Variants in NDRG1 observed in about 807,000 individuals in gnomAD.
NDRG1 encodes protein NDRG1.
A neutral mutation model predicts 56.9 loss-of-function variants in NDRG1; 32 were observed. The observed-to-expected ratio is 0.56, with a 90% CI of 0.42 to 0.76. The LOEUF (loss-of-function observed/expected upper bound fraction) is 0.76, where lower values mean the gene tolerates loss of function less well. Among genes scored for constraint, NDRG1 ranks in the 30% least tolerant of loss-of-function variants. The probability of loss-of-function intolerance (pLI) is 0.00; values close to 1 mark genes in which losing one functional copy is unlikely to be tolerated. For synonymous variants in NDRG1, 211 were observed against 204.1 expected, an observed-to-expected ratio of 1.03 and a Z score of -0.29; for missense variants, 507 against 545.7, an observed-to-expected ratio of 0.93 and a Z score of 0.71.
At chr8:133,290,628 C>T (rs1858377340) in intron 1 of NDRG1, among the ~76,000 whole-genome samples, 3 of 152,198 alleles carry the variant, frequency 2.0e-5, no homozygotes. Flanking sequence ...GTGGGCTGCA[C>T]GTGACCATGA....
chr8:133,268,013 A>G (rs1033684763), intron 3 of NDRG1, among the ~76,000 whole-genome samples: 9 of 152,122 alleles, frequency 5.9e-5, no homozygotes, highest in Admixed American at 2.0e-4. Flanking sequence ...TTTTTGACTC[A>G]TCTCTTTGAA....
At chr8:133,284,726 A>C (rs1159879538) in intron 1 of NDRG1, 2 of 461,026 alleles carry the variant, frequency 4.3e-6, no homozygotes, top group Admixed American at 4.7e-5. Context: ...TGTGACAATG[A>C]AAGGGGAACA....
chr8:133,270,675 G>T (rs1189516363), intron 3 of NDRG1, among the ~76,000 whole-genome samples: 7 of 152,206 alleles, frequency 4.6e-5, no homozygotes, highest in African/African-American at 1.7e-4. Flanking sequence ...CGCATGCTCA[G>T]GTGACAGTAG....
intron 9 of NDRG1, among the ~76,000 whole-genome samples, chr8:133,251,632 A>G (rs1482124768): frequency 6.6e-6 from 1 of 152,114 alleles, no homozygotes; most frequent in Admixed American, 6.6e-5. Context: ...CAGATTACAC[A>G]CTCAGGACAG....
chr8:133,258,307 T>G, intron 7 of NDRG1, 59 bp downstream of exon 7: 1 of 1,531,318 alleles, frequency 6.5e-7, no homozygotes, highest in Non-Finnish European at 8.9e-7. Context: ...TTCCAATGTC[T>G]TCCTTCATCT....
intron 3 of NDRG1, among the ~76,000 whole-genome samples, chr8:133,276,831 T>C (rs186430111): frequency 6.6e-6 from 1 of 152,378 alleles, no homozygotes; most frequent in Admixed American, 6.5e-5. Flanking sequence ...GCAATTCCAC[T>C]TCTGGGTATA....
chr8:133,259,251 C>T (rs1335772160), intron 5 of NDRG1, 21 bp from the exon 6 acceptor site: 3 of 1,613,206 alleles, frequency 1.9e-6, no homozygotes, highest in Non-Finnish European at 2.5e-6. Context: ...CACAGAGAAG[C>T]CATTAGTGAG....
intron 13 of NDRG1, chr8:133,244,791 T>C: frequency 3.1e-6 from 1 of 321,740 alleles, no homozygotes. Context: ...CCTCTTCATA[T>C]ATTCCCTTGA....
chr8:133,277,693 T>TTA (rs1857531954), intron 3 of NDRG1, among the ~76,000 whole-genome samples: 1 of 152,354 alleles, frequency 6.6e-6, no homozygotes, highest in East Asian at 1.9e-4. Context: ...AAATTGGATG[T>TTA]TACGTGTATG....
intron 3 of NDRG1, among the ~76,000 whole-genome samples, chr8:133,265,520 C>G (rs1289284138): frequency 6.6e-6 from 1 of 152,132 alleles, no homozygotes; most frequent in Non-Finnish European, 1.5e-5. Context: ...TGAATGATAC[C>G]ATGCCCATCC....
At chr8:133,280,097 A>T in intron 3 of NDRG1, 135 bp downstream of exon 3, 1 of 1,008,572 alleles carries the variant, frequency 9.9e-7, no homozygotes, top group Non-Finnish European at 1.5e-6. Flanking sequence ...GAGGGTGAGG[A>T]CCTAGCTGAG....
intron 2 of NDRG1, 22 bp from the exon 3 acceptor site, chr8:133,280,289 T>G: frequency 1.2e-6 from 2 of 1,613,452 alleles, no homozygotes; most frequent in Non-Finnish European, 1.7e-6. Context: ...CAAAAAAAAT[T>G]GTCAATTTCA....
rs541812355 is a variant in NDRG1 at position 133,238,980 on chromosome 8, G to A, written c.1083C>T (p.Arg361=). ...CCCCCTCGCTGGTGTGCGAGCGGCT[G>A]CGGGTGCCCTCGCTGGTGTGGGAGC... ...RSRSHTSEGT[R]SRSHTSEGAH... Residue 361 remains arginine (R), a synonymous_variant, in exon 16 of 16, where the codon CGC becomes CGT. Transcript: ENST00000323851. The A allele has an allele frequency of 6.3e-7, 1 of 1,592,674 alleles. No individual in the cohort carries two copies. The highest frequency in any genetic ancestry group is 8.5e-7 in the Non-Finnish European group (1 of 1,171,376).
chr8:133,254,156 C>T (rs1856237461), intron 9 of NDRG1, among the ~76,000 whole-genome samples: 1 of 151,712 alleles, frequency 6.6e-6, no homozygotes, highest in African/African-American at 2.4e-5. Flanking sequence ...TCTATAGAGG[C>T]CAATGCTGAT....
intron 9 of NDRG1, among the ~76,000 whole-genome samples, chr8:133,252,706 C>T (rs1317212837): frequency 6.6e-6 from 1 of 151,070 alleles, no homozygotes; most frequent in Admixed American, 6.6e-5. Flanking sequence ...AGAGTGGGGC[C>T]TCTATTCCCC....
intron 9 of NDRG1, among the ~76,000 whole-genome samples, chr8:133,250,995 CT>C (rs1855996706): frequency 6.6e-6 from 1 of 151,502 alleles, no homozygotes; most frequent in African/African-American, 2.4e-5. Flanking sequence ...GTTCTCACCT[CT>C]ACTAACAGTA....
intron 3 of NDRG1, among the ~76,000 whole-genome samples, chr8:133,276,705 A>C (rs1214314844): frequency 6.6e-6 from 1 of 152,234 alleles, no homozygotes; most frequent in Non-Finnish European, 1.5e-5. Flanking sequence ...TCTGCCATGA[A>C]TGTGAGGCCT....
intron 11 of NDRG1, among the ~76,000 whole-genome samples, 188 bp from the exon 12 acceptor site, chr8:133,248,114 A>G (rs531072956): frequency 6.6e-6 from 1 of 152,224 alleles, no homozygotes; most frequent in Non-Finnish European, 1.5e-5. Context: ...TTCACAACTT[A>G]GTATGAATTT....
At chr8:133,294,671 TG>T (rs113471703) in intron 1 of NDRG1, among the ~76,000 whole-genome samples, 5,653 of 143,916 alleles carry the variant, frequency 0.039, 142 homozygotes, top group African/African-American at 0.065. Context: ...TCTTCTGTCA[TG>T]GGGGGGGGGC....
Sources: gnomAD v4.1 joint callset for allele counts (sites outside exome capture counted in the v4.1 genomes callset) on GRCh38, gnomAD v4.1.1 for gene constraint, MANE v1.5 for transcripts, NCBI Gene and HGNC (gene_info 2026-07-23, HGNC 2026-07-21) for gene names.